The following LIPC variants were observed in gnomAD, a reference collection of about 807,000 sequenced individuals.
The protein encoded by LIPC is lipase C, hepatic type.
In LIPC, 44 loss-of-function variants were observed where a neutral mutation model predicts 50.7. The ratio of observed to expected loss-of-function variants is 0.87; its 90% CI spans 0.68 to 1.11. LIPC has a LOEUF of 1.11. Ranked by LOEUF, LIPC falls within the 50% of genes most tolerant of loss-of-function variation. The probability of loss-of-function intolerance (pLI) is 0.00; values close to 1 mark genes in which losing one functional copy is unlikely to be tolerated. For synonymous variants in LIPC, 271 were observed against 256.4 expected, an observed-to-expected ratio of 1.06 and a Z score of -0.54; for missense variants, 697 against 648.2, an observed-to-expected ratio of 1.08 and a Z score of -0.82.
chr15:58,494,245 A>C (rs1478470086), intron 1 of LIPC, among the ~76,000 whole-genome samples: 1 of 152,230 alleles, frequency 6.6e-6, no homozygotes, highest in East Asian at 1.9e-4. Flanking sequence ...CAGCAGTGAC[A>C]TACCCATCAC....
At chr15:58,441,734 A>G (rs1416210817) in intron 1 of LIPC, among the ~76,000 whole-genome samples, 1 of 152,242 alleles carries the variant, frequency 6.6e-6, no homozygotes, top group South Asian at 2.1e-4. Flanking sequence ...TTTAATAGTT[A>G]TCACTAATTA....
At chr15:58,537,653 C>A (rs1188533354) in intron 1 of LIPC, among the ~76,000 whole-genome samples, 2 of 152,108 alleles carry the variant, frequency 1.3e-5, no homozygotes, top group Non-Finnish European at 2.9e-5. Context: ...CCCTGACCCC[C>A]GCAACAAAAC....
chr15:58,533,086 A>G lies in LIPC; in HGVS notation c.89-5247A>G, dbSNP rs1389875993. On this transcript the variant is annotated intron_variant, in intron 1 of 8. Transcript: ENST00000299022. ...TTGATGGATTTGATCACTTACCTCA[A>G]TTTAATATTCCTCCTCCTAAAACCA... The G allele has an allele frequency of 5.0e-5, 43 of 852,682 alleles. 1 individual carries two copies. The highest frequency in any genetic ancestry group is 5.5e-5 in the Non-Finnish European group (39 of 709,178). 52.8% of individuals were successfully genotyped at this position (852,682 alleles called of 1,614,324 possible). A position where few individuals can be genotyped will look rare whatever the true frequency, so the allele number is the denominator to read the frequency against.
At chr15:58,496,789 G>T (rs957679358) in intron 1 of LIPC, among the ~76,000 whole-genome samples, 4 of 147,906 alleles carry the variant, frequency 2.7e-5, no homozygotes, top group African/African-American at 1.0e-4. Context: ...CTGTCACCCA[G>T]GCTGGAGTGC....
At chr15:58,501,764 C>T (rs760686862) in intron 1 of LIPC, among the ~76,000 whole-genome samples, 28 of 152,224 alleles carry the variant, frequency 1.8e-4, no homozygotes, top group Middle Eastern at 3.4e-3. Flanking sequence ...CAAGCAAACC[C>T]AAATTTCTTT....
Position 58,548,240 on chromosome 15 carries a change from C to T in LIPC, c.809-90C>T, listed in dbSNP as rs1316141738. ...TGCCTGTTCTGTGTGCTACTGCTAA[C>T]CTCCTGTGGGATGAGAACCAAGGTG... On this transcript the variant is annotated intron_variant, in intron 5 of 8. Transcript: ENST00000299022. The T allele has an allele frequency of 1.9e-6, 3 of 1,579,114 alleles. No homozygotes were observed. The Admixed American group carries it at 5.0e-5, about 26-fold the overall frequency.
At chr15:58,557,494 C>T (rs1372770379) in intron 6 of LIPC, among the ~76,000 whole-genome samples, 1 of 145,104 alleles carries the variant, frequency 6.9e-6, no homozygotes, top group Non-Finnish European at 1.5e-5. Context: ...ACACCATTCT[C>T]CTGCCTCAGC....
At chr15:58,494,629 G>C (rs1888270151) in intron 1 of LIPC, 1 of 385,580 alleles carries the variant, frequency 2.6e-6, no homozygotes. Context: ...TGAGCTAACA[G>C]CCCTGACCCA....
intron 1 of LIPC, among the ~76,000 whole-genome samples, chr15:58,509,632 A>G (rs913603852): frequency 6.6e-6 from 1 of 152,312 alleles, no homozygotes; most frequent in East Asian, 1.9e-4. Flanking sequence ...TAGCCATACT[A>G]TGGCTTACCA....
At chr15:58,531,114 A>G (rs1253151613) in intron 1 of LIPC, among the ~76,000 whole-genome samples, 9 of 152,224 alleles carry the variant, frequency 5.9e-5, no homozygotes, top group African/African-American at 1.4e-4. Context: ...CTCACCAGCA[A>G]TCTATGAGGA....
intron 1 of LIPC, among the ~76,000 whole-genome samples, chr15:58,515,408 A>G (rs1315530026): frequency 6.6e-6 from 1 of 152,180 alleles, no homozygotes; most frequent in Non-Finnish European, 1.5e-5. Context: ...CTCAGCAAAT[A>G]CCATAGAGCA....
intron 6 of LIPC, 60 bp downstream of exon 6, chr15:58,548,632 T>A: frequency 6.4e-7 from 1 of 1,551,156 alleles, no homozygotes; most frequent in Non-Finnish European, 8.7e-7. Context: ...TCCAAAGGGC[T>A]CAGAAGTCCC....
At chr15:58,453,969 T>G (rs753490892) in intron 1 of LIPC, among the ~76,000 whole-genome samples, 1 of 152,200 alleles carries the variant, frequency 6.6e-6, no homozygotes, top group Non-Finnish European at 1.5e-5. Context: ...CATTTGCTAT[T>G]TGCAATGCGT....
intron 1 of LIPC, among the ~76,000 whole-genome samples, chr15:58,485,498 C>A (rs550744626): frequency 7.6e-6 from 1 of 130,940 alleles, no homozygotes; most frequent in African/African-American, 2.8e-5. Context: ...TGCTTCAGGG[C>A]TCCAGACCCT....
At chr15:58,540,579 G>C (rs569258333) in intron 2 of LIPC, among the ~76,000 whole-genome samples, 12 of 152,220 alleles carry the variant, frequency 7.9e-5, no homozygotes, top group African/African-American at 2.9e-4. Flanking sequence ...TCTTACCCTG[G>C]AATGGCATGA....
At chr15:58,565,918 A>C (rs1428994202) in intron 8 of LIPC, 7 of 983,056 alleles carry the variant, frequency 7.1e-6, no homozygotes, top group Non-Finnish European at 6.0e-6. Flanking sequence ...GAATACAAAA[A>C]AAAAAAAAAA....
At chr15:58,492,734 T>C (rs1188204592) in intron 1 of LIPC, among the ~76,000 whole-genome samples, 1 of 152,162 alleles carries the variant, frequency 6.6e-6, no homozygotes, top group South Asian at 2.1e-4. Context: ...TCTATTTTTG[T>C]TTTTTGTTCT....
At chr15:58,519,080 G>A (rs555687156) in intron 1 of LIPC, among the ~76,000 whole-genome samples, 25 of 152,274 alleles carry the variant, frequency 1.6e-4, no homozygotes, top group Non-Finnish European at 2.4e-4. Context: ...TATACAGGAA[G>A]TGCACAATAA....
intron 2 of LIPC, 138 bp downstream of exon 2, chr15:58,538,655 T>C (rs1893223460): frequency 4.7e-6 from 4 of 848,112 alleles, no homozygotes; most frequent in Admixed American, 2.0e-5. Flanking sequence ...ACGTTCTAAT[T>C]TTCCAAGTGC....
Sources: gnomAD v4.1 joint callset for allele counts (sites outside exome capture counted in the v4.1 genomes callset) on GRCh38, gnomAD v4.1.1 for gene constraint, MANE v1.5 for transcripts, NCBI Gene and HGNC (gene_info 2026-07-23, HGNC 2026-07-21) for gene names.